ROBO2: variants seen among roughly 807,000 people sequenced by gnomAD.
ROBO2 encodes the protein roundabout homolog 2.
In ROBO2, 53 loss-of-function variants were observed where a neutral mutation model predicts 160.8. The ratio of observed to expected loss-of-function variants is 0.33; its 90% CI spans 0.26 to 0.41. The LOEUF (loss-of-function observed/expected upper bound fraction) is 0.41, where lower values mean the gene tolerates loss of function less well. ROBO2 is among the 10% of genes least tolerant of loss of function. ROBO2 has a pLI of 1.00. For missense variants in ROBO2, 1,577 were observed against 1,722.4 expected (o/e 0.92, Z 1.49); for synonymous variants, 664 against 611.7 (o/e 1.09, Z -1.26).
intron 2 of ROBO2, among the ~76,000 whole-genome samples, chr3:76,410,750 A>G (rs2075444850): frequency 6.6e-6 from 1 of 152,200 alleles, no homozygotes; most frequent in African/African-American, 2.4e-5. Flanking sequence ...GATATATGAG[A>G]ATATACATGT....
intron 2 of ROBO2, among the ~76,000 whole-genome samples, chr3:76,314,440 T>C (rs1470790104): frequency 6.6e-6 from 1 of 151,906 alleles, no homozygotes; most frequent in African/African-American, 2.4e-5. Context: ...TATAAATAGA[T>C]AATATCATAT....
At chr3:76,448,803 T>C (rs186242688) in intron 2 of ROBO2, among the ~76,000 whole-genome samples, 2 of 152,220 alleles carry the variant, frequency 1.3e-5, no homozygotes, top group East Asian at 3.9e-4. Context: ...TTATCCCCCA[T>C]TTTGCAGATG....
chr3:76,607,756 A>T (rs1333986456), intron 2 of ROBO2, among the ~76,000 whole-genome samples: 2 of 152,218 alleles, frequency 1.3e-5, no homozygotes, highest in Non-Finnish European at 1.5e-5. Flanking sequence ...CCTATCACCC[A>T]GCAAATATTT....
intron 2 of ROBO2, among the ~76,000 whole-genome samples, chr3:75,960,162 C>T (rs1040671973): frequency 2.6e-5 from 4 of 151,736 alleles, no homozygotes; most frequent in Non-Finnish European, 5.9e-5. Context: ...GGGATTAAAT[C>T]ACCAGGATGT....
intron 2 of ROBO2, among the ~76,000 whole-genome samples, chr3:77,354,057 A>C (rs1442332563): frequency 6.6e-6 from 1 of 152,156 alleles, no homozygotes; most frequent in Admixed American, 6.5e-5. Flanking sequence ...TTAGAAAAAA[A>C]CAGCCCTGAG....
intron 2 of ROBO2, among the ~76,000 whole-genome samples, chr3:76,190,592 A>G (rs915316051): frequency 6.6e-6 from 1 of 152,176 alleles, no homozygotes; most frequent in Non-Finnish European, 1.5e-5. Flanking sequence ...AAATGGTCAC[A>G]TGAACTCATT....
At position 76,219,643 on chromosome 3, in the gene ROBO2, G is replaced by C. The variant is rs1703820807; in HGVS notation, c.109+282041G>C. On this transcript the variant is annotated intron_variant, in intron 2 of 26. Coordinates refer to the ROBO2 transcript ENST00000487694. ...CACAGTGAGATACCATCTCACACCA[G>C]TTAGAATGGCAATCATTAAAAAGTC... is the stretch of plus-strand genomic sequence containing the variant. 3.3e-5 allele frequency among the ~76,000 whole-genome samples: 5 copies of C among 152,284 alleles called. No individual in the cohort carries two copies. The South Asian group carries it at 8.3e-4, about 25-fold the overall frequency.
intron 2 of ROBO2, among the ~76,000 whole-genome samples, chr3:76,293,187 G>C (rs1172930413): frequency 5.3e-5 from 8 of 152,140 alleles, no homozygotes; most frequent in Non-Finnish European, 1.0e-4. Context: ...AATACACTGA[G>C]ACCCGAAAGG....
intron 2 of ROBO2, among the ~76,000 whole-genome samples, chr3:76,742,143 A>G (rs573367328): frequency 2.0e-5 from 3 of 152,280 alleles, no homozygotes; most frequent in Non-Finnish European, 4.4e-5. Context: ...CCTGACAATG[A>G]TCAAACAATT....
At chr3:76,932,318 CATTT>C (rs2077400894) in intron 2 of ROBO2, among the ~76,000 whole-genome samples, 1 of 151,950 alleles carries the variant, frequency 6.6e-6, no homozygotes, top group Non-Finnish European at 1.5e-5. Flanking sequence ...TAAAAAAGAA[CATTT>C]ATTCCATACC....
chr3:76,180,556 TTCCTTCTGACAAA>T (rs1176861163), intron 2 of ROBO2, among the ~76,000 whole-genome samples: 1 of 152,102 alleles, frequency 6.6e-6, no homozygotes, highest in Non-Finnish European at 1.5e-5. Context: ...CATCCTCCTA[TTCCTTCTGACAAA>T]TCCAACGGCA....
At chr3:76,154,432 CACA>C (rs1262386221) in intron 2 of ROBO2, among the ~76,000 whole-genome samples, 5 of 151,998 alleles carry the variant, frequency 3.3e-5, no homozygotes, top group South Asian at 2.1e-4. Context: ...TTCACGAGAG[CACA>C]ACAAGTACAG....
intron 2 of ROBO2, among the ~76,000 whole-genome samples, chr3:76,269,546 T>G (rs1244026695): frequency 6.6e-6 from 1 of 151,598 alleles, no homozygotes; most frequent in Non-Finnish European, 1.5e-5. Context: ...TACACATACC[T>G]TTTATAGCAC....
At chr3:77,106,956 G>A (rs530345905) in intron 2 of ROBO2, among the ~76,000 whole-genome samples, 4 of 152,178 alleles carry the variant, frequency 2.6e-5, no homozygotes, top group South Asian at 2.1e-4. Flanking sequence ...CTACTAAGAC[G>A]TCAGTAGTTT....
chr3:76,977,172 G>A (rs1207455122), intron 2 of ROBO2, among the ~76,000 whole-genome samples: 1 of 152,164 alleles, frequency 6.6e-6, no homozygotes, highest in Non-Finnish European at 1.5e-5. Flanking sequence ...AAGAAGCCCT[G>A]TGTGGCTCAA....
intron 2 of ROBO2, among the ~76,000 whole-genome samples, chr3:77,188,981 G>GAA (rs1183015793): frequency 1.4e-4 from 21 of 151,040 alleles, no homozygotes; most frequent in Admixed American, 2.7e-4. Context: ...GAGAGAGAGA[G>GAA]AGAGAGAGAG....
At chr3:76,846,951 A>G (rs2068829602) in intron 2 of ROBO2, among the ~76,000 whole-genome samples, 1 of 152,130 alleles carries the variant, frequency 6.6e-6, no homozygotes. Context: ...CAATCAACTT[A>G]TTCACTCTCA....
chr3:77,087,564 G>T (rs2069489907), intron 1 of ROBO2, among the ~76,000 whole-genome samples: 1 of 151,958 alleles, frequency 6.6e-6, no homozygotes, highest in South Asian at 2.1e-4. Context: ...CTGAATTGTT[G>T]GAAATGAATT....
intron 2 of ROBO2, among the ~76,000 whole-genome samples, chr3:76,214,363 G>A (rs1703352878): frequency 6.6e-6 from 1 of 152,166 alleles, no homozygotes; most frequent in Non-Finnish European, 1.5e-5. Context: ...GCAGGACGAG[G>A]CATTGCCTCA....
Sources: gnomAD v4.1 joint callset for allele counts (sites outside exome capture counted in the v4.1 genomes callset) on GRCh38, gnomAD v4.1.1 for gene constraint, MANE v1.5 for transcripts, NCBI Gene and HGNC (gene_info 2026-07-23, HGNC 2026-07-21) for gene names.